PDE4A: variants seen among roughly 807,000 people sequenced by gnomAD.
PDE4A encodes phosphodiesterase 4A, also known as 3',5'-cyclic-AMP phosphodiesterase 4A.
Under a neutral mutation model 73.9 loss-of-function variants are expected in PDE4A, and 21 were observed. The ratio of observed to expected loss-of-function variants is 0.28; its 90% CI spans 0.20 to 0.41. PDE4A has a LOEUF of 0.41. Ranked by LOEUF, PDE4A falls within the 10% of genes least tolerant of loss-of-function variation. The pLI, the probability that PDE4A is intolerant of heterozygous loss-of-function variation, is 1.00. For missense variants in PDE4A, 958 were observed against 1,211.4 expected (o/e 0.79, Z 3.10); for synonymous variants, 463 against 505.4 (o/e 0.92, Z 1.13).
intron 1 of PDE4A, 65 bp from the exon 2 acceptor site, chr19:10,446,153 A>T: frequency 2.6e-6 from 4 of 1,515,788 alleles, no homozygotes; most frequent in Non-Finnish European, 3.6e-6. Flanking sequence ...CGGCCTCCTC[A>T]TTCCTCTTGA....
chr19:10,451,094 C>A (rs2043083119), intron 6 of PDE4A, among the ~76,000 whole-genome samples, 153 bp downstream of exon 6: 1 of 151,908 alleles, frequency 6.6e-6, no homozygotes, highest in South Asian at 2.1e-4. Context: ...CTGGGTGTGG[C>A]TGATTAGGGC....
At chr19:10,421,216 G>C in intron 1 of PDE4A, 132 bp downstream of exon 1, 1 of 1,335,142 alleles carries the variant, frequency 7.5e-7, no homozygotes, top group Non-Finnish European at 9.5e-7. Flanking sequence ...AGGGAATTCG[G>C]CTGCGGGGGC....
chr19:10,419,157 G>A, upstream of PDE4A: 1 of 908,548 alleles, frequency 1.1e-6, no homozygotes, highest in Non-Finnish European at 1.3e-6. Context: ...GACAGGGGGC[G>A]CACGGGGGCA....
intron 1 of PDE4A, chr19:10,432,420 C>T (rs2042806360): frequency 5.0e-6 from 7 of 1,409,164 alleles, no homozygotes; most frequent in Non-Finnish European, 6.5e-6. Context: ...GCCCCGACGA[C>T]GGCGCTTGGC....
At chr19:10,444,908 A>G (rs1172552955) in intron 1 of PDE4A, among the ~76,000 whole-genome samples, 1 of 152,090 alleles carries the variant, frequency 6.6e-6, no homozygotes, top group Non-Finnish European at 1.5e-5. Context: ...CCTGACCTTC[A>G]GTGATCTGCC....
intron 9 of PDE4A, 42 bp downstream of exon 9, chr19:10,459,540 T>C (rs2043225705): frequency 6.2e-7 from 1 of 1,611,552 alleles, no homozygotes; most frequent in Non-Finnish European, 8.5e-7. Context: ...GAGGGGCTCA[T>C]AGCGGGGCGC....
chr19:10,429,162 AAAGG>A (rs1568365821), intron 1 of PDE4A, among the ~76,000 whole-genome samples: 2 of 150,940 alleles, frequency 1.3e-5, no homozygotes, highest in Non-Finnish European at 3.0e-5. Context: ...AAAGGAAAGG[AAAGG>A]AAGGAAGAAA....
At chr19:10,446,502 T>G in intron 2 of PDE4A, 93 bp downstream of exon 2, 3 of 1,467,894 alleles carry the variant, frequency 2.0e-6, no homozygotes, top group Middle Eastern at 1.8e-4. Context: ...CACCCACCCC[T>G]ATCCTCCTCA....
rs749428536 is a variant in PDE4A at position 10,467,541 on chromosome 19, G to A, written c.2581G>A (p.Ala861Thr). 1.8e-5 allele frequency: 29 copies of A among 1,612,060 alleles called. No homozygotes were observed. Among genetic ancestry groups the A allele is most frequent in the Non-Finnish European group, 2.3e-5 (27 of 1,179,508 alleles). ...CCAGGCTGCCAAGAGGGCTTGCAGT[G>A]CCTGCGCAGGGACATTTGGGGAGGA... Reference protein sequence around the residue: ...EHQAAKRACSACAGTFGEDTS... With the variant: ...EHQAAKRACSTCAGTFGEDTS... Residue 861 changes from alanine (A) to threonine (T), a missense_variant, in exon 15 of 15, where the codon GCC (alanine) becomes ACC (threonine). Transcript: ENST00000380702.
Position 10,467,909 on chromosome 19 carries a change from G to GAA in PDE4A, c.*297_*298dup, listed in dbSNP as rs1322855997. On this transcript the variant is annotated 3_prime_UTR_variant, in exon 15 of 15. Coordinates refer to ENST00000380702, the MANE Select transcript of PDE4A (RefSeq NM_001111307.2). ...CATTTTTAGAAAAAGAACAAAAAAA[G>GAA]AAAAAAAAAAGAAAGAAACACAGCA... 6 of 241,354 alleles carry GAA rather than the reference G, an allele frequency of 2.5e-5. No homozygotes were observed. Among genetic ancestry groups the GAA allele is most frequent in the East Asian group, 7.2e-5 (1 of 13,872 alleles). The allele number at this position is 241,354 out of a possible 1,614,324, so 15.0% of individuals were successfully genotyped here. A position where few individuals can be genotyped will look rare whatever the true frequency, so the allele number is the denominator to read the frequency against.
At chr19:10,456,736 C>T (rs1222306546) in intron 7 of PDE4A, among the ~76,000 whole-genome samples, 1 of 151,906 alleles carries the variant, frequency 6.6e-6, no homozygotes, top group Non-Finnish European at 1.5e-5. Flanking sequence ...TTCAATGGAA[C>T]CCCAAATGCA....
chr19:10,463,556 G>A (rs74179926), intron 13 of PDE4A, among the ~76,000 whole-genome samples: 39,121 of 151,334 alleles, frequency 0.26, 6,081 homozygotes, highest in East Asian at 0.49. Flanking sequence ...ATGTGCCACC[G>A]TGCCTGGCTA....
At chr19:10,417,364 G>A (rs1237451613), upstream of PDE4A, 26 of 985,176 alleles carry the variant, frequency 2.6e-5, no homozygotes, top group Admixed American at 1.6e-3. Context: ...ACCCTAAAAA[G>A]GTGATGTGTT....
Position 10,467,886 on chromosome 19 carries a change from T to A in PDE4A, c.*265T>A. The A allele has an allele frequency of 3.1e-6, 1 of 326,476 alleles. No homozygotes were observed. Among genetic ancestry groups the A allele is most frequent in the East Asian group, 4.6e-5 (1 of 21,516 alleles). 20.2% of individuals were successfully genotyped at this position (326,476 alleles called of 1,614,324 possible). A position where few individuals can be genotyped will look rare whatever the true frequency, so the allele number is the denominator to read the frequency against. ...ATTTTTTTGAATTTTAATTGTAACATTTTTAGAAAAAGAACAAAAAAAGAA... is the reference window on the plus strand; with the variant it reads ...ATTTTTTTGAATTTTAATTGTAACAATTTTAGAAAAAGAACAAAAAAAGAA... On this transcript the variant is annotated 3_prime_UTR_variant, in exon 15 of 15. Coordinates refer to ENST00000380702, the MANE Select transcript of PDE4A (RefSeq NM_001111307.2).
At position 10,458,269 on chromosome 19, in the gene PDE4A, A is replaced by G. The variant is rs2043204075; in HGVS notation, c.1101+167A>G. On this transcript the variant is annotated intron_variant, in intron 8 of 14. Transcript: ENST00000380702. This position sits in a 1 kb window ranked among gnomAD's most constrained non-coding sequence, Gnocchi z 4.6. ...GCATGCTGGCTCTTTGTACCTCTGT[A>G]TCATTCATTGCTTGGGGGCCGTCCC... Among the ~76,000 whole-genome samples the G allele has an allele frequency of 6.6e-6, 1 of 152,096 alleles. No individual in the cohort carries two copies. Among genetic ancestry groups the G allele is most frequent in the African/African-American group, 2.4e-5 (1 of 41,412 alleles).
chr19:10,431,132 C>T lies in PDE4A; in HGVS notation c.320+10048C>T, dbSNP rs2042783891. On this transcript the variant is annotated intron_variant, in intron 1 of 14. Coordinates refer to ENST00000380702, the MANE Select transcript of PDE4A (RefSeq NM_001111307.2). ...CGTGGGTTCAAGTCGCCCCTGGCCA[C>T]CTGGCGCACTCCAGGGTCTAGGGTT... 2 of 1,323,572 alleles carry T rather than the reference C, an allele frequency of 1.5e-6. 1 individual carries two copies. Among genetic ancestry groups the T allele is most frequent in the Middle Eastern group, 3.8e-4 (2 of 5,274 alleles). 82.0% of individuals were successfully genotyped at this position (1,323,572 alleles called of 1,614,324 possible).
intron 1 of PDE4A, among the ~76,000 whole-genome samples, chr19:10,422,478 A>G (rs906554290): frequency 6.6e-6 from 1 of 152,066 alleles, no homozygotes; most frequent in East Asian, 1.9e-4. Flanking sequence ...TGCTCCAGCG[A>G]TGTGTGCAAC....
upstream of PDE4A, chr19:10,420,447 C>A: frequency 2.0e-6 from 1 of 503,054 alleles, no homozygotes; most frequent in Non-Finnish European, 2.5e-6. This position sits in a 1 kb window ranked among gnomAD's most constrained non-coding sequence, Gnocchi z 6.0. Context: ...CTGACAGCCG[C>A]GGCGGGCGGG....
At chr19:10,442,613 C>T (rs998485100) in intron 1 of PDE4A, among the ~76,000 whole-genome samples, 1 of 151,938 alleles carries the variant, frequency 6.6e-6, no homozygotes, top group Non-Finnish European at 1.5e-5. Context: ...TGTGGGAGGC[C>T]AAAGCGGGAG....
Sources: allele counts gnomAD v4.1 joint callset (sites outside exome capture counted in the v4.1 genomes callset), GRCh38; gene constraint gnomAD v4.1.1; non-coding constraint Gnocchi (gnomAD v3.1); transcripts MANE v1.5; gene names NCBI Gene and HGNC (gene_info 2026-07-23, HGNC 2026-07-21).